TCF12: variants seen among roughly 807,000 people sequenced by gnomAD.
The protein encoded by TCF12 is DNA-binding protein HTF4.
TCF12 carries 45 observed loss-of-function variants against 86.0 expected under a neutral mutation model. The observed-to-expected ratio is 0.52, with a 90% confidence interval of 0.41 to 0.67. The LOEUF is 0.67. Among genes scored for constraint, TCF12 ranks in the 30% least tolerant of loss-of-function variants. TCF12 has a pLI of 0.00. For missense variants in TCF12, 881 were observed against 859.9 expected (o/e 1.02, Z -0.31); for synonymous variants, 330 against 299.6 (o/e 1.10, Z -1.05).
At chr15:57,163,045 G>A (rs536398159) in intron 5 of TCF12, among the ~76,000 whole-genome samples, 49 of 151,990 alleles carry the variant, frequency 3.2e-4, no homozygotes, top group Non-Finnish European at 5.4e-4. Context: ...GTGGTGGCAC[G>A]CCCCTGTAGT....
intron 13 of TCF12, among the ~76,000 whole-genome samples, chr15:57,243,918 G>T (rs1381062313): frequency 1.3e-5 from 2 of 152,080 alleles, no homozygotes; most frequent in Non-Finnish European, 2.9e-5. Flanking sequence ...TTACTCTGTT[G>T]CCCTGGCTGG....
chr15:56,983,402 G>A (rs2062990150), intron 3 of TCF12, among the ~76,000 whole-genome samples: 1 of 151,972 alleles, frequency 6.6e-6, no homozygotes, highest in Non-Finnish European at 1.5e-5. Flanking sequence ...AGCTGTAGAG[G>A]GAAAATAATT....
intron 5 of TCF12, among the ~76,000 whole-genome samples, chr15:57,107,729 TTAATAA>T (rs1292972731): frequency 2.0e-5 from 3 of 151,478 alleles, no homozygotes; most frequent in African/African-American, 7.3e-5. Context: ...TACAAAATAA[TTAATAA>T]TAATAATAAT....
At chr15:57,259,168 C>T (rs1293603645) in intron 16 of TCF12, among the ~76,000 whole-genome samples, 3 of 151,862 alleles carry the variant, frequency 2.0e-5, no homozygotes, top group Non-Finnish European at 4.4e-5. Context: ...TTCAAAATGG[C>T]AACTTTTTTA....
In TCF12 at chr15:57,107,877, G is replaced by T. The variant is rs144750335; in HGVS notation, c.325+15986G>T. On this transcript the variant is annotated intron_variant, in intron 5 of 20. Coordinates refer to ENST00000333725, the MANE Select transcript of TCF12 (RefSeq NM_207037.2). ...GAGCGATGATTATGCCATTGCACTCGTGCCTGGTGACAGAGTGAGGCCCTG... is the reference window on the plus strand; with the variant it reads ...GAGCGATGATTATGCCATTGCACTCTTGCCTGGTGACAGAGTGAGGCCCTG... Among the ~76,000 whole-genome samples the T allele has an allele frequency of 1.5e-3, 222 of 152,216 alleles. 1 individual carries two copies. The highest frequency in any genetic ancestry group is 3.1e-3 in the South Asian group (15 of 4,820).
At chr15:57,197,426 G>A (rs2057327873) in intron 7 of TCF12, among the ~76,000 whole-genome samples, 1 of 152,086 alleles carries the variant, frequency 6.6e-6, no homozygotes, top group South Asian at 2.1e-4. Flanking sequence ...CCAAAGTGCT[G>A]GGATTACAGG....
At chr15:56,941,106 T>TAC (rs1217570997) in intron 3 of TCF12, among the ~76,000 whole-genome samples, 1 of 149,246 alleles carries the variant, frequency 6.7e-6, no homozygotes, top group Non-Finnish European at 1.5e-5. Flanking sequence ...GTGGCTCACA[T>TAC]ATAATCCCAG....
At chr15:57,175,774 G>A (rs2055866011) in intron 6 of TCF12, among the ~76,000 whole-genome samples, 1 of 152,152 alleles carries the variant, frequency 6.6e-6, no homozygotes, top group Non-Finnish European at 1.5e-5. Flanking sequence ...ATAACATGAA[G>A]AGCATCTTTT....
intron 13 of TCF12, chr15:57,248,011 C>A (rs955394763): frequency 3.4e-5 from 24 of 713,362 alleles, no homozygotes; most frequent in South Asian, 2.0e-4. Flanking sequence ...GTGGTGGCAA[C>A]GGCTGCAGTT....
At chr15:57,241,921 GGT>G (rs10532062) in intron 12 of TCF12, among the ~76,000 whole-genome samples, 59,385 of 151,934 alleles carry the variant, frequency 0.39, 14,505 homozygotes, top group Non-Finnish European at 0.54. Flanking sequence ...GAACCTTGTA[GGT>G]GGAGGTTGCA....
intron 5 of TCF12, among the ~76,000 whole-genome samples, chr15:57,137,234 G>A (rs1220863112): frequency 1.3e-5 from 2 of 151,820 alleles, no homozygotes; most frequent in East Asian, 3.9e-4. Context: ...TGCCCGCCTC[G>A]GCCTCCCAAA....
chr15:57,128,126 A>G (rs1415947194), intron 5 of TCF12, among the ~76,000 whole-genome samples: 22 of 152,070 alleles, frequency 1.4e-4, no homozygotes, highest in Non-Finnish European at 2.9e-5. Flanking sequence ...GTATATTTTC[A>G]TTATATGTAT....
At chr15:57,125,335 T>G (rs1411125175) in intron 5 of TCF12, among the ~76,000 whole-genome samples, 5 of 152,248 alleles carry the variant, frequency 3.3e-5, no homozygotes, top group African/African-American at 1.2e-4. Context: ...AGTTCTATTG[T>G]AGTAGATCCA....
In TCF12 at chr15:57,232,740, C is replaced by T. The variant is rs1246655280; in HGVS notation, c.854C>T (p.Thr285Ile). 6.2e-7 allele frequency: 1 copy of T among 1,612,050 alleles called. No homozygotes were observed. The highest frequency in any genetic ancestry group is 8.5e-7 in the Non-Finnish European group (1 of 1,179,110). The change falls in exon 11 of 21, where the codon ACA (threonine) becomes ATA (isoleucine). Residue 285 changes from threonine to isoleucine, a missense_variant. Physicochemically the swap from Thr to Ile is moderately conservative, Grantham distance 89. This residue lies in a region of TCF12 where 766 missense variants were observed against 718.9 expected (regional missense o/e 1.07). Transcript: ENST00000333725. ...TATCCTCCACACTCAGTTTCACCAA[C>T]AGACATAAACACGAGTCTTCCACCA... ...LSYPPHSVSPTDINTSLPPMS... is the reference protein window; with the variant it reads ...LSYPPHSVSPIDINTSLPPMS...
intron 3 of TCF12, among the ~76,000 whole-genome samples, chr15:56,935,623 C>T (rs937465626): frequency 2.0e-5 from 3 of 152,068 alleles, no homozygotes; most frequent in South Asian, 2.1e-4. Flanking sequence ...TATCCCTCAC[C>T]GCCCTCCCAC....
intron 3 of TCF12, among the ~76,000 whole-genome samples, chr15:56,946,645 TAGTG>T (rs1368956741): frequency 2.0e-5 from 3 of 152,114 alleles, no homozygotes; most frequent in Admixed American, 6.6e-5. Context: ...GTTCTAGACA[TAGTG>T]AGTGTTACAT....
chr15:56,945,475 G>A (rs1001366811), intron 3 of TCF12, among the ~76,000 whole-genome samples: 4 of 151,840 alleles, frequency 2.6e-5, no homozygotes, highest in African/African-American at 9.7e-5. Context: ...TATCTGAGAG[G>A]TTTTAATTTT....
chr15:56,984,117 T>C (rs2063043496), intron 3 of TCF12, among the ~76,000 whole-genome samples: 1 of 103,028 alleles, frequency 9.7e-6, no homozygotes, highest in Non-Finnish European at 2.5e-5. Flanking sequence ...AGATACGTTG[T>C]TCTTCTGTTT....
At position 57,287,135 on chromosome 15, in the gene TCF12, A is replaced by C. The variant is rs2061960423; in HGVS notation, c.*990A>C. On this transcript the variant is annotated 3_prime_UTR_variant, in exon 21 of 21. Transcript: ENST00000333725. ...TCGCTTTGTTTTCCAAGCAGTAAGT[A>C]CTACATACAGTACTTGTAAAGTGTT... The C allele has an allele frequency of 6.2e-6, 1 of 162,132 alleles. No individual in the cohort carries two copies. Among genetic ancestry groups the C allele is most frequent in the Non-Finnish European group, 1.4e-5 (1 of 73,120 alleles). 10.0% of individuals were successfully genotyped at this position (162,132 alleles called of 1,614,324 possible). A position where few individuals can be genotyped will look rare whatever the true frequency, so the allele number is the denominator to read the frequency against.
Sources: gnomAD v4.1 joint callset for allele counts (sites outside exome capture counted in the v4.1 genomes callset) on GRCh38, gnomAD v4.1.1 for gene constraint, gnomAD v4.1.1 regional missense constraint, MANE v1.5 for transcripts, NCBI Gene and HGNC (gene_info 2026-07-23, HGNC 2026-07-21) for gene names.